The following THAP4 variants were observed in gnomAD, a reference collection of about 807,000 sequenced individuals.
THAP4 encodes THAP domain containing 4.
In THAP4, 18 loss-of-function variants were observed where a neutral mutation model predicts 48.1. The observed-to-expected ratio is 0.37, with a 90% confidence interval of 0.26 to 0.56. The LOEUF (loss-of-function observed/expected upper bound fraction) is 0.56, where lower values mean the gene tolerates loss of function less well. Among genes scored for constraint, THAP4 ranks in the 20% least tolerant of loss-of-function variants. The probability of loss-of-function intolerance (pLI) is 0.78; values close to 1 mark genes in which losing one functional copy is unlikely to be tolerated. For missense variants in THAP4, 656 were observed against 774.9 expected (o/e 0.85, Z 1.82); for synonymous variants, 345 against 324.9 (o/e 1.06, Z -0.66).
chr2:241,637,383 G>T (rs1419289122), upstream of THAP4: 2 of 1,408,924 alleles, frequency 1.4e-6, no homozygotes, highest in South Asian at 1.3e-5. Flanking sequence ...TGCTCGGACG[G>T]GGACAGAGCT....
At chr2:241,607,931 C>A in intron 2 of THAP4, among the ~76,000 whole-genome samples, 1 of 141,462 alleles carries the variant, frequency 7.1e-6, no homozygotes, top group Non-Finnish European at 1.5e-5. Flanking sequence ...GACTGACCCC[C>A]GGCGTCTCCT....
chr2:241,589,551 G>C (rs1247407493), intron 5 of THAP4, among the ~76,000 whole-genome samples: 1 of 152,172 alleles, frequency 6.6e-6, no homozygotes, highest in Non-Finnish European at 1.5e-5. Context: ...CCACCCTGTA[G>C]TGGCCAGGAT....
At chr2:241,615,412 AT>A (rs2067327404) in intron 2 of THAP4, among the ~76,000 whole-genome samples, 1 of 152,200 alleles carries the variant, frequency 6.6e-6, no homozygotes, top group East Asian at 1.9e-4. Context: ...AACTAAAAGC[AT>A]TTTATCCCAA....
intron 1 of THAP4, 146 bp downstream of exon 1, chr2:241,636,795 G>A (rs926254842): frequency 4.3e-5 from 13 of 305,690 alleles, no homozygotes; most frequent in Admixed American, 6.6e-5. Context: ...CCGGGCCAAG[G>A]TCACACAGCG....
At chr2:241,608,674 C>T (rs1370497023) in intron 2 of THAP4, among the ~76,000 whole-genome samples, 1 of 152,178 alleles carries the variant, frequency 6.6e-6, no homozygotes, top group Non-Finnish European at 1.5e-5. Context: ...GAGAAGCTGA[C>T]GGAACAGTCA....
rs113487936 is a variant in THAP4, at chr2:241,630,198, G to A, written c.1240+2719C>T. On this transcript the variant is annotated intron_variant, in intron 2 of 5. Coordinates refer to ENST00000407315, the MANE Select transcript of THAP4 (RefSeq NM_015963.6). Reference sequence around the variant, plus strand: ...TAACCACAGGGTTAAAGGGGGCATCGAGGCTGGAATTACAAACGACTCAGA... The same window carrying A: ...TAACCACAGGGTTAAAGGGGGCATCAAGGCTGGAATTACAAACGACTCAGA... Among the ~76,000 whole-genome samples the A allele has an allele frequency of 6.3e-3, 952 of 152,230 alleles. 9 individuals are homozygous for A. Among genetic ancestry groups the A allele is most frequent in the African/African-American group, 0.022 (914 of 41,542 alleles).
intron 5 of THAP4, among the ~76,000 whole-genome samples, chr2:241,587,303 A>G (rs1437193100): frequency 6.6e-6 from 1 of 151,648 alleles, no homozygotes; most frequent in African/African-American, 2.4e-5. Context: ...GCTGGGATAC[A>G]CTCTTCCTCC....
chr2:241,636,437 C>G (rs960092472), intron 1 of THAP4, among the ~76,000 whole-genome samples: 1 of 152,160 alleles, frequency 6.6e-6, no homozygotes, highest in Non-Finnish European at 1.5e-5. Flanking sequence ...TAAGGGAGCG[C>G]AGGAGGATGC....
intron 5 of THAP4, among the ~76,000 whole-genome samples, chr2:241,588,489 G>T (rs887612839): frequency 6.6e-6 from 1 of 152,004 alleles, no homozygotes; most frequent in Non-Finnish European, 1.5e-5. Flanking sequence ...TTGGAAAAAA[G>T]AAAAAGAAGA....
chr2:241,587,208 A>G (rs2066905083), intron 5 of THAP4, among the ~76,000 whole-genome samples: 1 of 152,214 alleles, frequency 6.6e-6, no homozygotes, highest in African/African-American at 2.4e-5. Flanking sequence ...TCTACCCTCC[A>G]TGAGGGTGGG....
At chr2:241,602,536 T>C (rs878973501) in intron 4 of THAP4, among the ~76,000 whole-genome samples, 2 of 152,106 alleles carry the variant, frequency 1.3e-5, no homozygotes, top group Admixed American at 1.3e-4. Flanking sequence ...CAGCTAATTT[T>C]TGTATTTTTA....
intron 4 of THAP4, 187 bp from the exon 5 acceptor site, chr2:241,602,186 C>T: frequency 1.6e-6 from 1 of 621,686 alleles, no homozygotes. Flanking sequence ...ACTCTCCTCA[C>T]AGAACAGGCA....
At chr2:241,607,226 G>T (rs1272155300) in intron 2 of THAP4, among the ~76,000 whole-genome samples, 1 of 152,094 alleles carries the variant, frequency 6.6e-6, no homozygotes, top group African/African-American at 2.4e-5. Flanking sequence ...GCAGTGACAG[G>T]ACAGCAGGGA....
Position 241,633,641 on chromosome 2 carries a change from T to C in THAP4, c.516A>G (p.Glu172=). Residue 172 remains glutamate, a synonymous_variant, in exon 2 of 6, where the codon GAA becomes GAG. Coordinates refer to ENST00000407315, the MANE Select transcript of THAP4 (RefSeq NM_015963.6). The surrounding 1 kb of genome is among the most constrained non-coding windows in gnomAD (Gnocchi z 7.5). Reference sequence around the variant, plus strand: ...TGGCCAGTCCATCTCCTGGAGTCCGTTCCAGAGCTTGCTGGGCCTGCTCCT... The same window carrying C: ...TGGCCAGTCCATCTCCTGGAGTCCGCTCCAGAGCTTGCTGGGCCTGCTCCT... The part of the protein sequence containing the change: ...ASQEQAQQAL[E]RTPGDGLATM... The C allele has an allele frequency of 6.2e-7, 1 of 1,612,716 alleles. No individual in the cohort carries two copies. The highest frequency in any genetic ancestry group is 8.5e-7 in the Non-Finnish European group (1 of 1,179,944).
At chr2:241,627,749 A>T (rs1361435379) in intron 2 of THAP4, among the ~76,000 whole-genome samples, 2 of 152,162 alleles carry the variant, frequency 1.3e-5, no homozygotes, top group African/African-American at 2.4e-5. Context: ...GGCGTGACAG[A>T]CTGCAACCCC....
At chr2:241,620,752 C>A (rs1338780381) in intron 2 of THAP4, among the ~76,000 whole-genome samples, 1 of 151,890 alleles carries the variant, frequency 6.6e-6, no homozygotes. Flanking sequence ...TGCACAGAGG[C>A]TACACTAAAT....
chr2:241,617,391 A>G, intron 2 of THAP4: 1 of 1,508,778 alleles, frequency 6.6e-7, no homozygotes, highest in Non-Finnish European at 9.0e-7. Flanking sequence ...TTTTGGCCCA[A>G]GACACTGAAA....
chr2:241,616,080 C>G lies in THAP4; in HGVS notation c.1241-9607G>C, dbSNP rs181732820. Among the ~76,000 whole-genome samples, 1 of 152,310 alleles carries G rather than the reference C, an allele frequency of 6.6e-6. No individual in the cohort carries two copies. Among genetic ancestry groups the G allele is most frequent in the East Asian group, 1.9e-4 (1 of 5,188 alleles). Reference sequence around the variant, plus strand: ...CAGGGGGCTGGCAAGGACAGGTGAGCACAGCTGGCTCCTCAGAAGAACTGG... The same window carrying G: ...CAGGGGGCTGGCAAGGACAGGTGAGGACAGCTGGCTCCTCAGAAGAACTGG... On this transcript the variant is annotated intron_variant, in intron 2 of 5. Transcript: ENST00000407315. The surrounding 1 kb of genome is among the most constrained non-coding windows in gnomAD (Gnocchi z 4.6).
At chr2:241,619,652 T>C (rs2067386216) in intron 2 of THAP4, among the ~76,000 whole-genome samples, 1 of 152,152 alleles carries the variant, frequency 6.6e-6, no homozygotes, top group Non-Finnish European at 1.5e-5. Context: ...GCAGTTGCTC[T>C]GGGTGAGTTG....
Sources: allele counts gnomAD v4.1 joint callset (sites outside exome capture counted in the v4.1 genomes callset), GRCh38; gene constraint gnomAD v4.1.1; non-coding constraint Gnocchi (gnomAD v3.1); transcripts MANE v1.5; gene names NCBI Gene and HGNC (gene_info 2026-07-23, HGNC 2026-07-21).